ATP8B4: variants seen among roughly 807,000 people sequenced by gnomAD.
ATP8B4 encodes probable phospholipid-transporting ATPase IM.
A neutral mutation model predicts 145.6 loss-of-function variants in ATP8B4; 133 were observed. The ratio of observed to expected loss-of-function variants is 0.91; its 90% CI spans 0.79 to 1.05. The LOEUF is 1.05. Ranked by LOEUF, ATP8B4 falls within the 50% of genes least tolerant of loss-of-function variation. ATP8B4 has a pLI of 0.00. For missense variants in ATP8B4, 1,458 were observed against 1,425.2 expected, an observed-to-expected ratio of 1.02 and a Z score of -0.37; for synonymous variants, 507 against 492.9, an observed-to-expected ratio of 1.03 and a Z score of -0.38.
At chr15:49,925,220 A>G (rs567881172) in intron 16 of ATP8B4, among the ~76,000 whole-genome samples, 16 of 151,952 alleles carry the variant, frequency 1.1e-4, no homozygotes, top group African/African-American at 2.9e-4. Context: ...ACATATAAGC[A>G]TAAATAACAT....
intron 17 of ATP8B4, among the ~76,000 whole-genome samples, chr15:49,921,056 A>G (rs770845865): frequency 6.6e-6 from 1 of 152,242 alleles, no homozygotes; most frequent in African/African-American, 2.4e-5. Context: ...AAGTTTAAGC[A>G]TATTACTTAA....
At chr15:49,896,370 C>T (rs1371575482) in intron 23 of ATP8B4, 1 of 152,202 alleles carries the variant, frequency 6.6e-6, no homozygotes, top group African/African-American at 2.4e-5. Flanking sequence ...AAGGAATTCA[C>T]TAATCTCCCT....
chr15:50,043,778 C>T (rs2051496894), intron 5 of ATP8B4, among the ~76,000 whole-genome samples: 1 of 151,132 alleles, frequency 6.6e-6, no homozygotes, highest in Non-Finnish European at 1.5e-5. Flanking sequence ...AAGGTGAAAC[C>T]CCGTCTCTAC....
At chr15:50,053,022 TGAG>T (rs2052312035) in intron 3 of ATP8B4, among the ~76,000 whole-genome samples, 1 of 151,978 alleles carries the variant, frequency 6.6e-6, no homozygotes, top group African/African-American at 2.4e-5. Flanking sequence ...AAAAGAGCGA[TGAG>T]GAGGTCTTTG....
At position 50,006,604 on chromosome 15, in the gene ATP8B4, C is replaced by G. The variant is rs190109752; in HGVS notation, c.435+4241G>C. On this transcript the variant is annotated intron_variant, in intron 7 of 27. Transcript: ENST00000284509. ...AAAGAGCAAAAGCCCACCCCAGTCA[C>G]GCCTGGAGTTTAGGTCAAATTAATC... Among the ~76,000 whole-genome samples the G allele has an allele frequency of 5.3e-5, 8 of 152,008 alleles. No individual in the cohort carries two copies. In the East Asian group the frequency reaches 1.5e-3, roughly 29 times the overall value.
rs758544325 is a variant in ATP8B4 at position 49,987,590 on chromosome 15, C to A, written c.590-41G>T. 1.9e-5 allele frequency: 30 copies of A among 1,581,696 alleles called. 1 individual carries two copies. The South Asian group carries it at 2.9e-4, about 15-fold the overall frequency. On this transcript the variant is annotated intron_variant, in intron 9 of 27. Coordinates refer to ENST00000284509, the MANE Select transcript of ATP8B4 (RefSeq NM_024837.4). ...ACAAAACAAACCTCTTTATGACTCA[C>A]CCAAAATTCTCTTCAGAAGCCCACA... is the stretch of plus-strand genomic sequence containing the variant.
intron 23 of ATP8B4, among the ~76,000 whole-genome samples, chr15:49,880,920 G>T (rs1392460040): frequency 6.6e-6 from 1 of 151,916 alleles, no homozygotes; most frequent in African/African-American, 2.4e-5. Context: ...AGACCATCCT[G>T]GCTAACATGG....
At chr15:50,152,214 TTAAAACAGTAACTATGGAACTAAGGACC>T (rs2044357297) in intron 1 of ATP8B4, among the ~76,000 whole-genome samples, 1 of 152,158 alleles carries the variant, frequency 6.6e-6, no homozygotes, top group African/African-American at 2.4e-5. Context: ...AGAGAAGGAC[TTAAAACAGTAACTATGGAACTAAGGACC>T]TAAAACAGTA....
chr15:50,175,839 C>T (rs2044754021), intron 1 of ATP8B4, among the ~76,000 whole-genome samples: 1 of 152,124 alleles, frequency 6.6e-6, no homozygotes, highest in South Asian at 2.1e-4. Flanking sequence ...CCAGCAATCC[C>T]ACTGCTGGGT....
At chr15:50,113,493 T>G (rs2057047092) in intron 1 of ATP8B4, among the ~76,000 whole-genome samples, 1 of 151,956 alleles carries the variant, frequency 6.6e-6, no homozygotes, top group Non-Finnish European at 1.5e-5. Flanking sequence ...AAAAAAAAAT[T>G]AAGCCAATCT....
chr15:49,878,663 T>C (rs550559414), intron 24 of ATP8B4, among the ~76,000 whole-genome samples: 16 of 152,354 alleles, frequency 1.1e-4, no homozygotes, highest in South Asian at 6.2e-4. Context: ...GCTCTGAGTA[T>C]GCCAAGGATC....
chr15:49,909,557 C>G (rs1331909127), intron 20 of ATP8B4, among the ~76,000 whole-genome samples: 1 of 151,884 alleles, frequency 6.6e-6, no homozygotes, highest in Non-Finnish European at 1.5e-5. Flanking sequence ...AATGTGCTAC[C>G]CTTGGACCCA....
chr15:50,157,305 A>AAG (rs1230996593), intron 1 of ATP8B4, among the ~76,000 whole-genome samples: 4 of 152,232 alleles, frequency 2.6e-5, no homozygotes, highest in African/African-American at 7.2e-5. Flanking sequence ...TTCTATCAAA[A>AAG]AGAGAGAGAC....
intron 1 of ATP8B4, among the ~76,000 whole-genome samples, chr15:50,134,441 G>A (rs999483220): frequency 6.6e-6 from 1 of 152,142 alleles, no homozygotes; most frequent in Non-Finnish European, 1.5e-5. Flanking sequence ...TGTGATTCCT[G>A]TATACAACAA....
Position 49,929,350 on chromosome 15 carries a change from A to G in ATP8B4, c.1642+1769T>C, listed in dbSNP as rs149897808. Among the ~76,000 whole-genome samples, 7 of 152,270 alleles carry G rather than the reference A, an allele frequency of 4.6e-5. No individual in the cohort carries two copies. In the East Asian group the frequency reaches 1.4e-3, roughly 29 times the overall value. On this transcript the variant is annotated intron_variant, in intron 16 of 27. Coordinates refer to ENST00000284509, the MANE Select transcript of ATP8B4 (RefSeq NM_024837.4). ...TACATGCAGTTGCAACGATTCAATA[A>G]AAGAATTCATTATAAAGTTCATGGA...
chr15:50,049,269 A>G (rs1024267080), intron 3 of ATP8B4, among the ~76,000 whole-genome samples: 1 of 152,204 alleles, frequency 6.6e-6, no homozygotes, highest in African/African-American at 2.4e-5. Flanking sequence ...ATAGTATCCA[A>G]TAGGTAGTTT....
intron 2 of ATP8B4, among the ~76,000 whole-genome samples, chr15:50,095,040 C>G (rs1235459866): frequency 2.6e-5 from 4 of 152,048 alleles, no homozygotes; most frequent in African/African-American, 7.2e-5. Context: ...AAGCCAAGAG[C>G]ATCAAAACGT....
At chr15:50,066,819 G>A (rs964454949) in intron 3 of ATP8B4, among the ~76,000 whole-genome samples, 7 of 151,412 alleles carry the variant, frequency 4.6e-5, no homozygotes, top group Admixed American at 2.6e-4. Context: ...TCTGCCCTCC[G>A]ACTTTTAAAC....
At chr15:50,004,846 GTA>G (rs1474395410) in intron 7 of ATP8B4, among the ~76,000 whole-genome samples, 1 of 152,130 alleles carries the variant, frequency 6.6e-6, no homozygotes, top group East Asian at 1.9e-4. Flanking sequence ...TCAAGGATTT[GTA>G]TAGTTTAATA....
Sources: allele counts gnomAD v4.1 joint callset (sites outside exome capture counted in the v4.1 genomes callset), GRCh38; gene constraint gnomAD v4.1.1; transcripts MANE v1.5; gene names NCBI Gene and HGNC (gene_info 2026-07-23, HGNC 2026-07-21).